Variants in RYR2 observed in about 807,000 individuals in gnomAD.
RYR2 encodes cardiac muscle ryanodine receptor-calcium release channel.
A neutral mutation model predicts 601.1 loss-of-function variants in RYR2; 227 were observed. The ratio of observed to expected loss-of-function variants is 0.38; its 90% CI spans 0.34 to 0.42. The LOEUF is 0.42. Ranked by LOEUF, RYR2 falls within the 10% of genes least tolerant of loss-of-function variation. RYR2 has a pLI of 1.00. For missense variants in RYR2, 4,646 were observed against 6,156.5 expected (o/e 0.75, Z 8.21); for synonymous variants, 2,223 against 2,175.1 (o/e 1.02, Z -0.61).
In RYR2 at chr1:237,047,188, T is replaced by C. The variant is rs921289723; in HGVS notation, c.48+4619T>C. 3.3e-5 allele frequency among the ~76,000 whole-genome samples: 5 copies of C among 152,190 alleles called. No individual in the cohort carries two copies. In the East Asian group the frequency reaches 7.7e-4, roughly 23 times the overall value. On this transcript the variant is annotated intron_variant, in intron 1 of 104. Transcript: ENST00000366574. ...TCCAGAAAGGAGGTTTACCAGCACATCATTCTTTATAGAGTAGATTTAAAC... is the reference window on the plus strand; with the variant it reads ...TCCAGAAAGGAGGTTTACCAGCACACCATTCTTTATAGAGTAGATTTAAAC...
intron 1 of RYR2, among the ~76,000 whole-genome samples, chr1:237,247,326 T>G (rs2149258641): frequency 6.6e-6 from 1 of 152,326 alleles, no homozygotes; most frequent in South Asian, 2.1e-4. Flanking sequence ...GTCATTTCCT[T>G]TTGCTCTCCA....
intron 16 of RYR2, 129 bp downstream of exon 16, chr1:237,456,864 GC>G: frequency 1.9e-6 from 2 of 1,039,396 alleles, no homozygotes; most frequent in Non-Finnish European, 2.7e-6. Context: ...ATCATTTGAG[GC>G]CAGGAATTTG....
chr1:237,189,297 TC>T (rs1282179146), intron 1 of RYR2, among the ~76,000 whole-genome samples: 1 of 152,236 alleles, frequency 6.6e-6, no homozygotes, highest in African/African-American at 2.4e-5. Context: ...CTTTATCTGT[TC>T]GTCTGTTAAT....
chr1:237,288,307 AC>A (rs1184930585), intron 2 of RYR2, among the ~76,000 whole-genome samples: 1 of 152,144 alleles, frequency 6.6e-6, no homozygotes, highest in Non-Finnish European at 1.5e-5. Context: ...AGGAAATGGC[AC>A]TTTCCAGAGA....
intron 2 of RYR2, among the ~76,000 whole-genome samples, chr1:237,272,988 T>C (rs1008616914): frequency 5.3e-5 from 8 of 152,328 alleles, no homozygotes; most frequent in African/African-American, 1.7e-4. Context: ...AATGATTTTA[T>C]GGAAGACGAT....
intron 1 of RYR2, among the ~76,000 whole-genome samples, chr1:237,213,115 G>T (rs1034356119): frequency 3.3e-5 from 5 of 149,978 alleles, no homozygotes; most frequent in Non-Finnish European, 7.4e-5. Context: ...CATTCCAGTA[G>T]TTTTTTTAAA....
intron 101 of RYR2, among the ~76,000 whole-genome samples, chr1:237,825,372 C>G (rs1397018449): frequency 1.3e-5 from 2 of 152,140 alleles, no homozygotes; most frequent in Non-Finnish European, 2.9e-5. Context: ...ACATCTACAA[C>G]TATCTGATCT....
intron 55 of RYR2, among the ~76,000 whole-genome samples, chr1:237,660,495 A>G (rs1683679408): frequency 6.6e-6 from 1 of 152,168 alleles, no homozygotes; most frequent in Admixed American, 6.5e-5. Context: ...ATTTCACTTC[A>G]TTGTGAGTCA....
chr1:237,252,935 TG>T (rs1445949357), intron 1 of RYR2, among the ~76,000 whole-genome samples: 6 of 151,886 alleles, frequency 4.0e-5, no homozygotes, highest in Non-Finnish European at 2.9e-5. Context: ...GAGGCCAAGG[TG>T]GGTGGATCCT....
chr1:237,293,345 T>C lies in RYR2; in HGVS notation c.168+22729T>C, dbSNP rs145433080. On this transcript the variant is annotated intron_variant, in intron 2 of 104. Coordinates refer to ENST00000366574, the MANE Select transcript of RYR2 (RefSeq NM_001035.3). ...TCTCAGCCTCTCAAGTAGCTGGGACTACAGGCGCGTGCCACCACACCCGGC... is the reference window on the plus strand; with the variant it reads ...TCTCAGCCTCTCAAGTAGCTGGGACCACAGGCGCGTGCCACCACACCCGGC... Among the ~76,000 whole-genome samples, 64 of 152,320 alleles carry C rather than the reference T, an allele frequency of 4.2e-4. 1 individual carries two copies. The East Asian group carries it at 0.012, about 29-fold the overall frequency.
chr1:237,405,071 A>G (rs1320091849), intron 10 of RYR2, among the ~76,000 whole-genome samples: 3 of 152,188 alleles, frequency 2.0e-5, no homozygotes, highest in African/African-American at 7.2e-5. Flanking sequence ...TAGACTTCCA[A>G]CCTACGGAAT....
intron 56 of RYR2, among the ~76,000 whole-genome samples, chr1:237,665,028 G>C (rs747167065): frequency 6.6e-6 from 1 of 152,136 alleles, no homozygotes; most frequent in Admixed American, 6.5e-5. Context: ...TTTGTGTCAG[G>C]CACTTTGCTA....
At chr1:237,534,997 C>T (rs1226010587) in intron 25 of RYR2, among the ~76,000 whole-genome samples, 3 of 151,644 alleles carry the variant, frequency 2.0e-5, no homozygotes, top group African/African-American at 4.8e-5. Context: ...AATCAAATCT[C>T]TTGGCAAGTT....
chr1:237,299,984 A>T (rs988055472), intron 2 of RYR2, among the ~76,000 whole-genome samples: 2 of 152,208 alleles, frequency 1.3e-5, no homozygotes, highest in Non-Finnish European at 1.5e-5. Context: ...TGAGTCATTC[A>T]TTCATGAATC....
chr1:237,070,031 C>CTTTT (rs3056163), intron 1 of RYR2, among the ~76,000 whole-genome samples: 19 of 135,788 alleles, frequency 1.4e-4, no homozygotes, highest in Non-Finnish European at 1.7e-4. Flanking sequence ...GGTGTTTTAA[C>CTTTT]TTTTTTTTTT....
At chr1:237,801,365 T>TAAAAA in intron 97 of RYR2, among the ~76,000 whole-genome samples, 1 of 33,204 alleles carries the variant, frequency 3.0e-5, no homozygotes, top group Admixed American at 3.9e-4. Context: ...ACCCCATCTC[T>TAAAAA]ACAAAAAAAA....
chr1:237,349,310 G>T (rs1380172634), intron 3 of RYR2, among the ~76,000 whole-genome samples: 2 of 152,136 alleles, frequency 1.3e-5, no homozygotes, highest in Non-Finnish European at 2.9e-5. Flanking sequence ...TTAATGTTGT[G>T]AGGAAAAATA....
rs556269614 is a variant in RYR2, at chr1:237,631,613, A to ATTTTTTTTTTTTTT, written c.6555+91_6555+104dup. The ATTTTTTTTTTTTTT allele has an allele frequency of 9.1e-4, 189 of 208,578 alleles. 29 individuals carry two copies. In the African/African-American group the frequency reaches 0.012, roughly 13 times the overall value. 12.9% of individuals were successfully genotyped at this position (208,578 alleles called of 1,614,324 possible). On this transcript the variant is annotated intron_variant, in intron 42 of 104. Transcript: ENST00000366574. ...GTATATAGATTGATATAGAATGCAG[A>ATTTTTTTTTTTTTT]TTTTTTTTTTTTTTTTTTTTTTTTT... is the stretch of plus-strand genomic sequence containing the variant.
Position 237,783,977 on chromosome 1 carries a change from G to A in RYR2, c.12265G>A (p.Glu4089Lys). Residue 4089 changes from glutamate to lysine, a missense_variant, in exon 90 of 105, where the codon GAA becomes AAA. Around this residue, in one of 17 missense-constraint regions of RYR2, gnomAD observed 70 missense variants for 164.6 expected, o/e 0.43. Transcript: ENST00000366574. ...CGAAGAGTTCGTCAAACGCTTCCAC[G>A]AACCTGCGAAGGACATCGGCTTCAA... The part of the protein sequence containing the change: ...DYEEFVKRFH[E>K]PAKDIGFNVA... 6.2e-7 allele frequency: 1 copy of A among 1,613,748 alleles called. No individual in the cohort carries two copies. The highest frequency in any genetic ancestry group is 1.6e-4 in the Middle Eastern group (1 of 6,062).
Sources: allele counts gnomAD v4.1 joint callset (sites outside exome capture counted in the v4.1 genomes callset), GRCh38; gene constraint gnomAD v4.1.1; regional missense constraint gnomAD v4.1.1; transcripts MANE v1.5; gene names NCBI Gene and HGNC (gene_info 2026-07-23, HGNC 2026-07-21).